SEM1: variants seen among roughly 807,000 people sequenced by gnomAD.
SEM1 encodes 26S proteasome complex subunit SEM1.
Under a neutral mutation model 12.7 loss-of-function variants are expected in SEM1, and 3 were observed. The observed-to-expected ratio is 0.24, with a 90% CI of 0.11 to 0.61. The LOEUF is 0.61. Among genes scored for constraint, SEM1 ranks in the 20% least tolerant of loss-of-function variants. The pLI is 0.88. For missense variants in SEM1, 59 were observed against 81.3 expected (o/e 0.73, Z 1.06); for synonymous variants, 30 against 27.8 (o/e 1.08, Z -0.25).
chr7:96,483,585 C>A (rs1802629847), exon 4 of SEM1: 1 of 431,146 alleles, frequency 2.3e-6, no homozygotes, highest in East Asian at 4.9e-5. Flanking sequence ...ACTCTGGAAC[C>A]AGCCTGTTGG....
intron 1 of SEM1, 88 bp downstream of exon 1, chr7:96,709,600 C>A: frequency 7.7e-7 from 1 of 1,296,314 alleles, no homozygotes; most frequent in South Asian, 1.2e-5. Flanking sequence ...CGCCGGTGCC[C>A]CCAGCTGGGC....
intron 2 of SEM1, among the ~76,000 whole-genome samples, chr7:96,533,600 G>A (rs1037054510): frequency 3.9e-5 from 6 of 151,996 alleles, no homozygotes; most frequent in Non-Finnish European, 8.8e-5. Context: ...AACGGCAGGC[G>A]CTGAATTATT....
At chr7:96,600,569 G>T (rs1807169715) in intron 2 of SEM1, among the ~76,000 whole-genome samples, 1 of 152,178 alleles carries the variant, frequency 6.6e-6, no homozygotes, top group South Asian at 2.1e-4. Flanking sequence ...TGTGAGTAAG[G>T]TGCCCACGGT....
intron 2 of SEM1, among the ~76,000 whole-genome samples, chr7:96,587,319 A>C (rs1005680011): frequency 2.0e-5 from 3 of 152,142 alleles, no homozygotes; most frequent in African/African-American, 7.2e-5. Context: ...ATTTCCATAG[A>C]TCTCAGAAAA....
At chr7:96,643,233 AAAGAT>A (rs1437025675) in intron 2 of SEM1, among the ~76,000 whole-genome samples, 1 of 152,098 alleles carries the variant, frequency 6.6e-6, no homozygotes, top group African/African-American at 2.4e-5. Context: ...TTAGTTTGCT[AAAGAT>A]AATGGCCTCC....
At chr7:96,542,894 A>G (rs1804998143) in intron 2 of SEM1, among the ~76,000 whole-genome samples, 1 of 151,988 alleles carries the variant, frequency 6.6e-6, no homozygotes, top group Admixed American at 6.6e-5. Flanking sequence ...TGAGAGCAAA[A>G]CAAACAAATA....
chr7:96,579,949 C>G (rs1274025403), intron 2 of SEM1, among the ~76,000 whole-genome samples: 1 of 34,994 alleles, frequency 2.9e-5, no homozygotes, highest in Non-Finnish European at 3.7e-4. Context: ...ATTTCCTCAC[C>G]TTTCAATTTT....
chr7:96,703,202 C>A (rs1263037743), intron 1 of SEM1, among the ~76,000 whole-genome samples: 1 of 152,206 alleles, frequency 6.6e-6, no homozygotes, highest in East Asian at 1.9e-4. Flanking sequence ...ATCCCCTAAT[C>A]TGAAATTTCA....
intron 2 of SEM1, among the ~76,000 whole-genome samples, chr7:96,657,812 T>G (rs1305841256): frequency 6.6e-6 from 1 of 152,190 alleles, no homozygotes; most frequent in African/African-American, 2.4e-5. Flanking sequence ...TGGCCAGCCC[T>G]TTGCCCAGGG....
downstream of SEM1, chr7:96,688,222 G>A (rs1057007874): frequency 2.0e-5 from 3 of 152,114 alleles, no homozygotes; most frequent in Non-Finnish European, 4.4e-5. Flanking sequence ...TGTACTAAAT[G>A]AGCCTGCTAT....
At chr7:96,563,534 C>CA (rs1295603154) in intron 2 of SEM1, among the ~76,000 whole-genome samples, 8 of 151,720 alleles carry the variant, frequency 5.3e-5, no homozygotes, top group African/African-American at 1.7e-4. Flanking sequence ...CATGGGAATA[C>CA]AAAAAAATTT....
At chr7:96,619,271 G>A (rs781747815), downstream of SEM1, among the ~76,000 whole-genome samples, 3 of 152,124 alleles carry the variant, frequency 2.0e-5, no homozygotes, top group Non-Finnish European at 4.4e-5. Flanking sequence ...TTTTTCCTGA[G>A]TATGTATGTA....
chr7:96,497,899 C>T (rs1445169286), upstream of SEM1, among the ~76,000 whole-genome samples: 1 of 151,840 alleles, frequency 6.6e-6, no homozygotes, highest in East Asian at 1.9e-4. Context: ...TCTCTATGTG[C>T]TAAAAATTTT....
intron 2 of SEM1, among the ~76,000 whole-genome samples, chr7:96,541,436 T>G (rs1198544006): frequency 1.7e-4 from 23 of 134,776 alleles, no homozygotes; most frequent in African/African-American, 7.0e-4. Flanking sequence ...AATGGGTTTT[T>G]TTTTTTGTTT....
chr7:96,541,438 TTTTTG>T (rs1257068105), intron 2 of SEM1, among the ~76,000 whole-genome samples: 16 of 135,172 alleles, frequency 1.2e-4, no homozygotes, highest in African/African-American at 4.5e-4. Flanking sequence ...TGGGTTTTTT[TTTTTG>T]TTTTTTTTTT....
chr7:96,645,652 T>C, intron 2 of SEM1: 1 of 396,910 alleles, frequency 2.5e-6, no homozygotes, highest in Admixed American at 4.4e-5. Context: ...TAAGTTTATA[T>C]ACCATACACA....
At chr7:96,636,830 T>C (rs1212413164) in intron 2 of SEM1, among the ~76,000 whole-genome samples, 1 of 152,042 alleles carries the variant, frequency 6.6e-6, no homozygotes, top group African/African-American at 2.4e-5. Context: ...CTGTTATTGC[T>C]GTGGGTTTTG....
At position 96,640,196 on chromosome 7, in the gene SEM1, T is replaced by C. The variant is rs952827490; in HGVS notation, c.171-17553A>G. 3.3e-5 allele frequency among the ~76,000 whole-genome samples: 5 copies of C among 151,928 alleles called. No individual in the cohort carries two copies. The highest frequency in any genetic ancestry group is 3.3e-4 in the Admixed American group (5 of 15,210). The stretch of plus-strand genomic sequence containing the variant: ...TACAAAACTAAACATACTCTTACCA[T>C]GGGATCCAGAAATTATATGCCTTGG... On this transcript the variant is annotated intron_variant, in intron 2 of 2. Transcript: ENST00000417009. This position sits in a 1 kb window ranked among gnomAD's most constrained non-coding sequence, Gnocchi z 4.0.
chr7:96,624,804 A>G (rs1808006008), intron 2 of SEM1, among the ~76,000 whole-genome samples: 1 of 152,150 alleles, frequency 6.6e-6, no homozygotes, highest in African/African-American at 2.4e-5. Context: ...CATAGGTCAC[A>G]TGAGCACAGG....
Sources: gnomAD v4.1 joint callset for allele counts (sites outside exome capture counted in the v4.1 genomes callset) on GRCh38, gnomAD v4.1.1 for gene constraint, Gnocchi (gnomAD v3.1) non-coding constraint, MANE v1.5 for transcripts, NCBI Gene and HGNC (gene_info 2026-07-23, HGNC 2026-07-21) for gene names.